The following TMEM135 variants were observed in gnomAD, a reference collection of about 807,000 sequenced individuals.
TMEM135 encodes transmembrane protein 135.
TMEM135 carries 30 observed loss-of-function variants against 60.3 expected under a neutral mutation model. The observed-to-expected ratio is 0.50, with a 90% CI of 0.37 to 0.68. TMEM135 has a LOEUF of 0.68. Ranked by LOEUF, TMEM135 falls within the 30% of genes least tolerant of loss-of-function variation. The pLI, the probability that TMEM135 is intolerant of heterozygous loss-of-function variation, is 0.00. For missense variants in TMEM135, 468 were observed against 548.8 expected (o/e 0.85, Z 1.47); for synonymous variants, 190 against 186.7 (o/e 1.02, Z -0.14).
chr11:87,071,801 C>G (rs1844364321), intron 3 of TMEM135, among the ~76,000 whole-genome samples, 186 bp downstream of exon 3: 1 of 151,248 alleles, frequency 6.6e-6, no homozygotes, highest in Non-Finnish European at 1.5e-5. Context: ...TATTTATTGT[C>G]TATAAAAATA....
intron 5 of TMEM135, among the ~76,000 whole-genome samples, chr11:87,179,132 ACTT>A (rs1233259015): frequency 1.3e-5 from 2 of 152,010 alleles, no homozygotes; most frequent in African/African-American, 4.8e-5. Context: ...GTGATGTTGG[ACTT>A]CTTTTCATAG....
intron 1 of TMEM135, among the ~76,000 whole-genome samples, chr11:87,060,808 A>G (rs144136373): frequency 2.6e-5 from 4 of 151,806 alleles, no homozygotes; most frequent in Non-Finnish European, 5.9e-5. Flanking sequence ...ACGCCTGGCT[A>G]ATTTTTTGTA....
chr11:87,314,393 T>C (rs1942690067), intron 11 of TMEM135, 78 bp from the exon 12 acceptor site: 6 of 1,235,698 alleles, frequency 4.9e-6, no homozygotes, highest in Non-Finnish European at 7.0e-6. Flanking sequence ...TCTATGTAAG[T>C]GAATTAACAT....
At chr11:87,102,724 A>G (rs200213207) in intron 4 of TMEM135, among the ~76,000 whole-genome samples, 1 of 94,774 alleles carries the variant, frequency 1.1e-5, no homozygotes, top group African/African-American at 4.0e-5. Context: ...GTATATATAT[A>G]TATGTATATA....
intron 5 of TMEM135, among the ~76,000 whole-genome samples, chr11:87,177,417 A>G (rs909486046): frequency 2.0e-5 from 3 of 152,184 alleles, no homozygotes; most frequent in Non-Finnish European, 2.9e-5. Context: ...GAAGAAATAC[A>G]TGATTATTAT....
chr11:87,114,781 A>C (rs1288671968), intron 4 of TMEM135, among the ~76,000 whole-genome samples: 3 of 152,234 alleles, frequency 2.0e-5, no homozygotes, highest in Non-Finnish European at 4.4e-5. Flanking sequence ...CAGTATTGGC[A>C]CTGCCTGAGA....
At chr11:87,043,143 C>T (rs371927252) in intron 1 of TMEM135, among the ~76,000 whole-genome samples, 8 of 151,312 alleles carry the variant, frequency 5.3e-5, no homozygotes, top group Middle Eastern at 3.4e-3. Context: ...TTAGTAGAGA[C>T]GGGGTTTCTG....
chr11:87,056,350 C>G (rs1438593948), intron 1 of TMEM135, among the ~76,000 whole-genome samples: 2 of 152,284 alleles, frequency 1.3e-5, no homozygotes, highest in Admixed American at 1.3e-4. Context: ...TTGAACACCT[C>G]TAACACCTCT....
chr11:87,193,604 T>C (rs1176355945), intron 5 of TMEM135, among the ~76,000 whole-genome samples: 1 of 151,896 alleles, frequency 6.6e-6, no homozygotes, highest in African/African-American at 2.4e-5. Flanking sequence ...GTTAAGCTTT[T>C]GATTTTGTGG....
At chr11:87,235,582 T>C (rs1222633708) in intron 5 of TMEM135, among the ~76,000 whole-genome samples, 2 of 151,966 alleles carry the variant, frequency 1.3e-5, no homozygotes, top group South Asian at 2.1e-4. Context: ...TTTGCAGTGT[T>C]TTCATTTCTG....
chr11:87,297,769 C>T (rs1240675605), intron 7 of TMEM135, among the ~76,000 whole-genome samples: 1 of 152,134 alleles, frequency 6.6e-6, no homozygotes, highest in Non-Finnish European at 1.5e-5. Flanking sequence ...GTTGCTAAAG[C>T]AAGACAATTG....
chr11:87,191,775 T>TG (rs1397537012), intron 5 of TMEM135, among the ~76,000 whole-genome samples: 3 of 152,142 alleles, frequency 2.0e-5, no homozygotes, highest in Admixed American at 2.0e-4. Context: ...TTTTTAGGTT[T>TG]GGGGATCAGT....
chr11:87,178,367 C>T, intron 5 of TMEM135: 1 of 453,712 alleles, frequency 2.2e-6, no homozygotes, highest in Non-Finnish European at 4.4e-6. Flanking sequence ...CTCTCTTTTT[C>T]TGAAAATTTT....
At chr11:87,187,564 G>C (rs1049100353) in intron 5 of TMEM135, among the ~76,000 whole-genome samples, 5 of 152,198 alleles carry the variant, frequency 3.3e-5, no homozygotes, top group African/African-American at 1.2e-4. Flanking sequence ...ACAAAATGTA[G>C]TTTGTTGTAA....
At chr11:87,187,481 T>C (rs573400841) in intron 5 of TMEM135, among the ~76,000 whole-genome samples, 15 of 152,314 alleles carry the variant, frequency 9.8e-5, no homozygotes, top group African/African-American at 3.4e-4. Flanking sequence ...AACCCTCCCA[T>C]GGGCTTTGGG....
At chr11:87,160,939 G>A (rs901763459) in intron 5 of TMEM135, among the ~76,000 whole-genome samples, 2 of 152,032 alleles carry the variant, frequency 1.3e-5, no homozygotes, top group African/African-American at 2.4e-5. Flanking sequence ...TCACTCTCTC[G>A]CCCAGACTGG....
chr11:87,199,219 G>T (rs1940038688), intron 5 of TMEM135, among the ~76,000 whole-genome samples: 1 of 152,144 alleles, frequency 6.6e-6, no homozygotes, highest in Admixed American at 6.5e-5. Flanking sequence ...AATTAGCTGG[G>T]CATGGTGGAA....
chr11:87,243,932 T>C (rs1195815773), intron 6 of TMEM135, among the ~76,000 whole-genome samples: 1 of 79,644 alleles, frequency 1.3e-5, no homozygotes, highest in African/African-American at 4.8e-5. Flanking sequence ...TTGTGCCAGT[T>C]TTCAAAGGTA....
chr11:87,105,313 C>G lies in TMEM135; in HGVS notation c.396+13918C>G, dbSNP rs140972537. 1.8e-3 allele frequency among the ~76,000 whole-genome samples: 269 copies of G among 152,310 alleles called. 3 individuals are homozygous for G. Among genetic ancestry groups the G allele is most frequent in the African/African-American group, 6.1e-3 (253 of 41,568 alleles). ...GCTTGAGCTCTGCCTCTTGTCAGATCAGCAGCGGCATTAGATTCTCATAGG... is the reference window on the plus strand; with the variant it reads ...GCTTGAGCTCTGCCTCTTGTCAGATGAGCAGCGGCATTAGATTCTCATAGG... On this transcript the variant is annotated intron_variant, in intron 4 of 14. Coordinates refer to ENST00000305494, the MANE Select transcript of TMEM135 (RefSeq NM_022918.4).
Sources: gnomAD v4.1 joint callset for allele counts (sites outside exome capture counted in the v4.1 genomes callset) on GRCh38, gnomAD v4.1.1 for gene constraint, MANE v1.5 for transcripts, NCBI Gene and HGNC (gene_info 2026-07-23, HGNC 2026-07-21) for gene names.